Variants in ABCA7 observed in about 807,000 individuals in gnomAD.
ABCA7 encodes the protein phospholipid-transporting ATPase ABCA7.
ABCA7 carries 261 observed loss-of-function variants against 227.6 expected under a neutral mutation model. That is an observed-to-expected ratio of 1.15 (90% CI 1.04 to 1.27). The LOEUF (loss-of-function observed/expected upper bound fraction) is 1.27. Ranked by LOEUF, ABCA7 falls within the 50% of genes most tolerant of loss-of-function variation. ABCA7 has a pLI of 0.00. For synonymous variants in ABCA7, 1,488 were observed against 1,279.7 expected, an observed-to-expected ratio of 1.16 and a Z score of -3.47; for missense variants, 3,331 against 2,924.5, an observed-to-expected ratio of 1.14 and a Z score of -3.21.
In ABCA7 at chr19:1,047,336, G is replaced by C; in HGVS notation, c.2025G>C (p.Val675=). 6.3e-7 allele frequency: 1 copy of C among 1,589,640 alleles called. No individual in the cohort carries two copies. The highest frequency in any genetic ancestry group is 8.5e-7 in the Non-Finnish European group (1 of 1,172,054). The change falls in exon 15 of 47, where the codon GTG becomes GTC. Residue 675 remains valine, a synonymous_variant. Transcript: ENST00000263094. ...TCTACCTGCCCTACGTGCTGTGTGT[G>C]GCTTGGCGGGACCGGCTGCCCGCGG... ...FSLYLPYVLC[V]AWRDRLPAGG... is the part of the protein sequence containing the mutation.
Position 1,054,704 on chromosome 19 carries a change from G to A in ABCA7, c.3851+10G>A, listed in dbSNP as rs186359637. On this transcript the variant is annotated intron_variant, in intron 28 of 46. Coordinates refer to ENST00000263094, the MANE Select transcript of ABCA7 (RefSeq NM_019112.4). The surrounding 1 kb of genome is among the most constrained non-coding windows in gnomAD (Gnocchi z 4.8). Reference sequence around the variant, plus strand: ...AGGTGTCCTTCTTCAGGTGGGTGCAGAAGGAAGGGGCTGGTGGCAGGAAGA... The same window carrying A: ...AGGTGTCCTTCTTCAGGTGGGTGCAAAAGGAAGGGGCTGGTGGCAGGAAGA... The A allele has an allele frequency of 4.4e-5, 71 of 1,610,730 alleles. No homozygotes were observed. The African/African-American group carries it at 9.1e-4, about 21-fold the overall frequency.
Position 1,046,945 on chromosome 19 carries a change from C to G in ABCA7, c.1766C>G (p.Ala589Gly), listed in dbSNP as rs144979723. Residue 589 changes from alanine to glycine, a missense_variant, in exon 14 of 47, where the codon GCG (alanine) becomes GGG (glycine). Physicochemically the swap from Ala to Gly is moderately conservative, Grantham distance 60 (BLOSUM62 0). Coordinates refer to ENST00000263094, the MANE Select transcript of ABCA7 (RefSeq NM_019112.4). ...DTMRAMGLSRAVLWLGWFLSC... is the reference protein window; with the variant it reads ...DTMRAMGLSRGVLWLGWFLSC... ...ATGCGCGCCATGGGGCTCAGCCGCG[C>G]GGTGCTCTGGCTAGGCTGGTTCCTC... is the stretch of plus-strand genomic sequence containing the variant. 530 of 1,568,612 alleles carry G rather than the reference C, an allele frequency of 3.4e-4. 5 individuals are homozygous for G. Among genetic ancestry groups the G allele is most frequent in the South Asian group, 1.5e-3 (131 of 86,676 alleles).
intron 1 of ABCA7, 107 bp from the exon 2 acceptor site, chr19:1,041,118 A>T (rs2039991268): frequency 1.7e-6 from 1 of 589,248 alleles, no homozygotes; most frequent in African/African-American, 1.9e-5. Flanking sequence ...CCTGGCAGCC[A>T]ATCAGATGCG....
intron 10 of ABCA7, among the ~76,000 whole-genome samples, chr19:1,044,103 A>ATT (rs61549142): frequency 7.0e-6 from 1 of 143,406 alleles, no homozygotes; most frequent in Non-Finnish European, 1.5e-5. Context: ...CGCCCGGATG[A>ATT]TTTTTTTTTT....
chr19:1,058,695 C>T lies in ABCA7; in HGVS notation c.5227C>T (p.Leu1743Phe). 2 of 1,614,010 alleles carry T rather than the reference C, an allele frequency of 1.2e-6. No homozygotes were observed. Among genetic ancestry groups the T allele is most frequent in the Non-Finnish European group, 1.7e-6 (2 of 1,180,020 alleles). ...CTTGGCCATGGTGATACAGGGGCCC[C>T]TCTTCCTTCTCTTCACACTACTGCT... ...NLLAMVIQGP[L>F]FLLFTLLLQH... Residue 1743 changes from leucine to phenylalanine, a missense_variant, in exon 38 of 47, where the codon CTC becomes TTC. Physicochemically the swap from Leu to Phe is conservative, Grantham distance 22. Coordinates refer to ENST00000263094, the MANE Select transcript of ABCA7 (RefSeq NM_019112.4).
At position 1,041,604 on chromosome 19, in the gene ABCA7, G is replaced by C; in HGVS notation, c.160+1G>C. On this transcript the variant is annotated splice_donor_variant, in intron 3 of 46. Coordinates refer to ENST00000263094, the MANE Select transcript of ABCA7 (RefSeq NM_019112.4). LOFTEE classifies it high-confidence loss of function. ...CACCCGCCCCTGGAGCACCATGAAT[G>C]TGAGCCCCCCCAGGGACCAGGCACT... 1 of 1,611,514 alleles carries C rather than the reference G, an allele frequency of 6.2e-7. No individual in the cohort carries two copies. Among genetic ancestry groups the C allele is most frequent in the Non-Finnish European group, 8.5e-7 (1 of 1,179,812 alleles).
rs538849668 is a variant in ABCA7 at position 1,042,471 on chromosome 19, C to T, written c.498+74C>T. On this transcript the variant is annotated intron_variant, in intron 6 of 46. Coordinates refer to ENST00000263094, the MANE Select transcript of ABCA7 (RefSeq NM_019112.4). ...GGGATGTCCTGGCACTGCCCCACCC[C>T]GGGCCAAGGACCTCCCGTTCCAGGC... The T allele has an allele frequency of 1.6e-4, 249 of 1,566,156 alleles. 2 individuals are homozygous for T. In the Admixed American group the frequency reaches 4.1e-3, roughly 25 times the overall value.
At chr19:1,046,750 G>GGGGGGGTCTGC (rs1568269416) in intron 13 of ABCA7, 52 bp from the exon 14 acceptor site, 10 of 1,469,284 alleles carry the variant, frequency 6.8e-6, no homozygotes, top group Non-Finnish European at 7.3e-6. Flanking sequence ...GGTGGGCGGA[G>GGGGGGGTCTGC]GGGGGGTCTG....
chr19:1,061,319 C>T (rs2042637022), intron 40 of ABCA7, among the ~76,000 whole-genome samples: 1 of 149,838 alleles, frequency 6.7e-6, no homozygotes, highest in African/African-American at 2.5e-5. Context: ...ATTGCTTGAA[C>T]CCAGGAGGTG....
Position 1,054,204 on chromosome 19 carries a change from CCA to C in ABCA7, c.3590_3591del (p.Pro1197ArgfsTer3). On this transcript the variant is annotated frameshift_variant, in exon 27 of 47. Transcript: ENST00000263094. LOFTEE classifies it high-confidence loss of function. The surrounding 1 kb of genome is among the most constrained non-coding windows in gnomAD (Gnocchi z 4.8). ...LENGEPAGSA[P>X]ETDQGSGPDA... The stretch of plus-strand genomic sequence containing the variant: ...CTCATCCCTCACAGCTGGGTCAGCC[CCA>C]GAGACTGACCAGGGCTCTGGGCCAG... The C allele has an allele frequency of 6.2e-7, 1 of 1,609,274 alleles. No homozygotes were observed. The highest frequency in any genetic ancestry group is 8.5e-7 in the Non-Finnish European group (1 of 1,177,600).
chr19:1,049,324 G>C lies in ABCA7; in HGVS notation c.2439G>C (p.Glu813Asp). The C allele has an allele frequency of 6.2e-7, 1 of 1,611,616 alleles. No homozygotes were observed. Among genetic ancestry groups the C allele is most frequent in the South Asian group, 1.1e-5 (1 of 91,052 alleles). ...LSPGVSVRSL[E>D]KRFPGSPQPA... ...CTGGCGTCTCCGTTCGCAGCCTGGAGAAGCGCTTTCCTGGAAGCCCGCAGC... is the reference window on the plus strand; with the variant it reads ...CTGGCGTCTCCGTTCGCAGCCTGGACAAGCGCTTTCCTGGAAGCCCGCAGC... The change falls in exon 18 of 47, where the codon GAG becomes GAC. Residue 813 changes from glutamate (E) to aspartate (D), a missense_variant. Glu to Asp is a conservative substitution (Grantham distance 45, BLOSUM62 2). Coordinates refer to ENST00000263094, the MANE Select transcript of ABCA7 (RefSeq NM_019112.4).
intron 24 of ABCA7, 125 bp from the exon 25 acceptor site, chr19:1,053,663 T>C: frequency 6.6e-7 from 1 of 1,515,462 alleles, no homozygotes; most frequent in Non-Finnish European, 9.0e-7. Context: ...CATGAGGAGC[T>C]CTGGTGGCTC....
intron 40 of ABCA7, among the ~76,000 whole-genome samples, chr19:1,060,489 G>A (rs1192538024): frequency 6.6e-6 from 1 of 151,020 alleles, no homozygotes; most frequent in African/African-American, 2.4e-5. Flanking sequence ...GGGATCACAT[G>A]TGTGAGCCAC....
chr19:1,048,513 A>AAAAAAAAAAAAAC (rs2040972294), intron 16 of ABCA7, among the ~76,000 whole-genome samples: 3 of 141,494 alleles, frequency 2.1e-5, no homozygotes, highest in African/African-American at 8.0e-5. Flanking sequence ...AAAAAAACAA[A>AAAAAAAAAAAAAC]AAAAAAAAAA....
chr19:1,053,512 C>G lies in ABCA7; in HGVS notation c.3404C>G (p.Ser1135Cys), dbSNP rs200146743. Residue 1135 changes from serine (S) to cysteine (C), a missense_variant, in exon 24 of 47, where the codon TCC becomes TGC. Transcript: ENST00000263094. Reference protein sequence around the residue: ...AELRLTGYGISDTSLEEIFLK... With the variant: ...AELRLTGYGICDTSLEEIFLK... Reference sequence around the variant, plus strand: ...CTGAGGCTCACTGGCTACGGGATCTCCGACACCAGCCTCGAGGAGGTGTGA... The same window carrying G: ...CTGAGGCTCACTGGCTACGGGATCTGCGACACCAGCCTCGAGGAGGTGTGA... 1 of 1,569,420 alleles carries G rather than the reference C, an allele frequency of 6.4e-7. No individual in the cohort carries two copies. The highest frequency in any genetic ancestry group is 8.6e-7 in the Non-Finnish European group (1 of 1,162,550).
chr19:1,059,063 G>A lies in ABCA7; in HGVS notation c.5441G>A (p.Cys1814Tyr), dbSNP rs1219311568. Residue 1814 changes from cysteine to tyrosine, a missense_variant, in exon 40 of 47, where the codon TGC becomes TAC. Cys to Tyr is a radical substitution (Grantham distance 194). Transcript: ENST00000263094. ...AGGATGCCAGCTGTTGACCGCTTGT[G>A]CCTGGGGATTCCCCCTGGTGAGGTG... ...GQRMPAVDRL[C>Y]LGIPPGECFG... The A allele has an allele frequency of 1.9e-6, 3 of 1,613,586 alleles. No individual in the cohort carries two copies. Among genetic ancestry groups the A allele is most frequent in the South Asian group, 1.1e-5 (1 of 91,038 alleles).
Position 1,054,175 on chromosome 19 carries a change from C to T in ABCA7, c.3578-18C>T. 6.2e-7 allele frequency: 1 copy of T among 1,610,746 alleles called. No homozygotes were observed. The highest frequency in any genetic ancestry group is 8.5e-7 in the Non-Finnish European group (1 of 1,178,596). ...CCCCCCACAGCAGCGTGAGCACTGA[C>T]CCTCTCATCCCTCACAGCTGGGTCA... On this transcript the variant is annotated intron_variant, in intron 26 of 46. Transcript: ENST00000263094. This position sits in a 1 kb window ranked among gnomAD's most constrained non-coding sequence, Gnocchi z 4.8.
At chr19:1,059,752 C>T (rs2042534221) in intron 40 of ABCA7, among the ~76,000 whole-genome samples, 1 of 151,516 alleles carries the variant, frequency 6.6e-6, no homozygotes, top group Non-Finnish European at 1.5e-5. Flanking sequence ...TTAGTAGAGA[C>T]AGGGCTTCAC....
rs2040260300 is a variant in ABCA7 at position 1,043,455 on chromosome 19, C to T, written c.912C>T (p.Thr304=). Reference sequence around the variant, plus strand: ...TCTTTGCACCAGATACACCTTTTACCCGGAAGCTCATGGCCCAGGTGGGGG... The same window carrying T: ...TCTTTGCACCAGATACACCTTTTACTCGGAAGCTCATGGCCCAGGTGGGGG... ...KLLFAPDTPF[T]RKLMAQVNRT... is the part of the protein sequence containing the mutation. The change falls in exon 9 of 47, where the codon ACC becomes ACT. Residue 304 remains threonine (T), a synonymous_variant. Transcript: ENST00000263094. 1 of 1,613,298 alleles carries T rather than the reference C, an allele frequency of 6.2e-7. No homozygotes were observed. Among genetic ancestry groups the T allele is most frequent in the Non-Finnish European group, 8.5e-7 (1 of 1,180,026 alleles).
Sources: gnomAD v4.1 joint callset for allele counts (sites outside exome capture counted in the v4.1 genomes callset) on GRCh38, gnomAD v4.1.1 for gene constraint, Gnocchi (gnomAD v3.1) non-coding constraint, MANE v1.5 for transcripts, NCBI Gene and HGNC (gene_info 2026-07-23, HGNC 2026-07-21) for gene names.